The following SIAH3 variants were observed in gnomAD, a reference collection of about 807,000 sequenced individuals.
SIAH3 encodes siah E3 ubiquitin protein ligase family member 3.
SIAH3 carries 9 observed loss-of-function variants against 12.6 expected under a neutral mutation model. The ratio of observed to expected loss-of-function variants is 0.72; its 90% confidence interval spans 0.43 to 1.25. The LOEUF (loss-of-function observed/expected upper bound fraction) is 1.25, where lower values mean the gene tolerates loss of function less well. Among genes scored for constraint, SIAH3 ranks in the 50% most tolerant of loss-of-function variants. The pLI is 0.00. For synonymous variants in SIAH3, 154 were observed against 151.1 expected, an observed-to-expected ratio of 1.02 and a Z score of -0.14; for missense variants, 390 against 365.4, an observed-to-expected ratio of 1.07 and a Z score of -0.55.
rs75304105 is a variant in SIAH3 at position 45,830,127 on chromosome 13, C to A, written c.135+21368G>T. Among the ~76,000 whole-genome samples, 562 of 152,340 alleles carry A rather than the reference C, an allele frequency of 3.7e-3. 30 individuals carry two copies. The East Asian group carries it at 0.095, about 26-fold the overall frequency. On this transcript the variant is annotated intron_variant, in intron 1 of 1. Transcript: ENST00000400405. ...CCAGGTTTGAATTAGAGGGCTCGGA[C>A]TCCTTGGAGTTCTAGAATACGTCCC...
chr13:45,835,878 G>A (rs987860037), intron 1 of SIAH3, among the ~76,000 whole-genome samples: 3 of 152,190 alleles, frequency 2.0e-5, no homozygotes, highest in South Asian at 2.1e-4. Context: ...TTTGGGAGAC[G>A]CCTGATTCTT....
intron 1 of SIAH3, among the ~76,000 whole-genome samples, chr13:45,807,618 G>A (rs935218236): frequency 6.6e-6 from 1 of 152,194 alleles, no homozygotes; most frequent in Non-Finnish European, 1.5e-5. Flanking sequence ...ATAGAAGCAA[G>A]AGAGAACTTA....
chr13:45,850,832 A>T (rs918867737), intron 1 of SIAH3, among the ~76,000 whole-genome samples: 1 of 151,826 alleles, frequency 6.6e-6, no homozygotes, highest in East Asian at 1.9e-4. Context: ...AGCTGGTGTC[A>T]TTATTACACA....
chr13:45,809,351 C>T (rs528393264), intron 1 of SIAH3, among the ~76,000 whole-genome samples: 13 of 152,272 alleles, frequency 8.5e-5, no homozygotes, highest in Admixed American at 8.5e-4. Context: ...GTCCACAAAT[C>T]TGCAGAATCA....
chr13:45,816,560 G>A (rs970934662), intron 1 of SIAH3, among the ~76,000 whole-genome samples: 3 of 152,172 alleles, frequency 2.0e-5, no homozygotes, highest in Admixed American at 6.5e-5. Context: ...TCAACATAGC[G>A]CTCCCAACTT....
intron 1 of SIAH3, among the ~76,000 whole-genome samples, chr13:45,792,528 T>C (rs9534214): frequency 0.34 from 51,647 of 151,764 alleles, 9,464 homozygotes; most frequent in Middle Eastern, 0.42. Context: ...CTGCTAAGTT[T>C]TGTATTTTTA....
chr13:45,784,967 T>C (rs1950523185), intron 1 of SIAH3, among the ~76,000 whole-genome samples: 1 of 152,194 alleles, frequency 6.6e-6, no homozygotes, highest in Non-Finnish European at 1.5e-5. Context: ...ATTACTACAC[T>C]TATAATTAAT....
intron 1 of SIAH3, among the ~76,000 whole-genome samples, chr13:45,845,561 C>T (rs899109162): frequency 4.6e-5 from 7 of 152,166 alleles, no homozygotes; most frequent in African/African-American, 1.7e-4. Flanking sequence ...TATAACTTAT[C>T]CCCATGCTAC....
chr13:45,816,096 G>T (rs1341316441), intron 1 of SIAH3, among the ~76,000 whole-genome samples: 1 of 152,242 alleles, frequency 6.6e-6, no homozygotes, highest in Non-Finnish European at 1.5e-5. Flanking sequence ...GGCAGATGGA[G>T]GCACGATTGG....
At chr13:45,832,115 C>A (rs1018066912) in intron 1 of SIAH3, among the ~76,000 whole-genome samples, 1 of 152,174 alleles carries the variant, frequency 6.6e-6, no homozygotes, top group Non-Finnish European at 1.5e-5. Context: ...TGGGCAAGGG[C>A]CCTGCCATGT....
At chr13:45,845,869 T>G (rs1290153598) in intron 1 of SIAH3, among the ~76,000 whole-genome samples, 5 of 151,722 alleles carry the variant, frequency 3.3e-5, no homozygotes, top group African/African-American at 1.2e-4. Context: ...GTGAAGAAAA[T>G]GTGGCTGTGG....
rs374674301 is a variant in SIAH3, at chr13:45,851,640, G to T, written c.-11C>A. On this transcript the variant is annotated 5_prime_UTR_variant, in exon 1 of 2. Transcript: ENST00000400405. ...GGTAAAGAAAAGCATCACAACTTTT[G>T]GGGGGTTGTTGGTCCGGGAAGGCAG... The T allele has an allele frequency of 7.5e-5, 121 of 1,613,986 alleles. No individual in the cohort carries two copies. The highest frequency in any genetic ancestry group is 1.0e-4 in the Non-Finnish European group (119 of 1,179,978).
chr13:45,813,975 A>G (rs1227900576), intron 1 of SIAH3, among the ~76,000 whole-genome samples: 1 of 152,184 alleles, frequency 6.6e-6, no homozygotes, highest in Non-Finnish European at 1.5e-5. Flanking sequence ...ACAGTGGCTC[A>G]CGCCTGTAAT....
At chr13:45,816,746 C>T (rs912608915) in intron 1 of SIAH3, among the ~76,000 whole-genome samples, 1 of 152,202 alleles carries the variant, frequency 6.6e-6, no homozygotes, top group African/African-American at 2.4e-5. Flanking sequence ...TCCAAGACAG[C>T]CAATCCAGTG....
At chr13:45,827,774 C>T (rs1950684086) in intron 1 of SIAH3, among the ~76,000 whole-genome samples, 1 of 152,206 alleles carries the variant, frequency 6.6e-6, no homozygotes, top group Admixed American at 6.5e-5. Context: ...ACCAAAGCAA[C>T]ATTTCCCTTC....
rs545811414 is a variant in SIAH3 at position 45,820,091 on chromosome 13, A to G, written c.135+31404T>C. 3.3e-5 allele frequency among the ~76,000 whole-genome samples: 5 copies of G among 152,334 alleles called. No homozygotes were observed. In the South Asian group the frequency reaches 1.0e-3, roughly 32 times the overall value. On this transcript the variant is annotated intron_variant, in intron 1 of 1. Coordinates refer to ENST00000400405, the MANE Select transcript of SIAH3 (RefSeq NM_198849.3). ...CTTTATAAGGGCCTTAATCCCATTC[A>G]GGAGGGAGGAATCCGCACGACTTAT...
At position 45,782,035 on chromosome 13, in the gene SIAH3, A is replaced by G. The variant is rs1038622704; in HGVS notation, c.*1348T>C. On this transcript the variant is annotated 3_prime_UTR_variant, in exon 2 of 2. Transcript: ENST00000400405. ...GGGACAAATGCGATAAAAAGGAGCTAGAAGAGGTCCTACTGGGAAGGCTTA... is the reference window on the plus strand; with the variant it reads ...GGGACAAATGCGATAAAAAGGAGCTGGAAGAGGTCCTACTGGGAAGGCTTA... 3.9e-5 allele frequency: 6 copies of G among 152,360 alleles called. No homozygotes were observed. Among genetic ancestry groups the G allele is most frequent in the African/African-American group, 1.4e-4 (6 of 41,546 alleles). The allele number at this position is 152,360 out of a possible 1,614,324, so 9.4% of individuals were successfully genotyped here. A position where few individuals can be genotyped will look rare whatever the true frequency, so the allele number is the denominator to read the frequency against.
chr13:45,783,496 C>A lies in SIAH3; in HGVS notation c.697G>T (p.Asp233Tyr), dbSNP rs369608485. Residue 233 changes from aspartate (D) to tyrosine (Y), a missense_variant, in exon 2 of 2, where the codon GAC (aspartate) becomes TAC (tyrosine). Physicochemically the swap from Asp to Tyr is radical, Grantham distance 160. Transcript: ENST00000400405. ...AGCGAGGTGTTGAGGACGAGGCAGT[C>A]CCCGTCCGTAATCACCGAGTCCACG... Reference protein sequence around the residue: ...ECVDSVITDGDCLVLNTSLAQ... With the variant: ...ECVDSVITDGYCLVLNTSLAQ... 2 of 1,614,146 alleles carry A rather than the reference C, an allele frequency of 1.2e-6. No individual in the cohort carries two copies. Among genetic ancestry groups the A allele is most frequent in the Non-Finnish European group, 1.7e-6 (2 of 1,180,038 alleles).
At chr13:45,825,553 C>G (rs1230625107) in intron 1 of SIAH3, among the ~76,000 whole-genome samples, 1 of 152,270 alleles carries the variant, frequency 6.6e-6, no homozygotes, top group African/African-American at 2.4e-5. Flanking sequence ...TTCACACCTT[C>G]GTGAAGTAGT....
Sources: gnomAD v4.1 joint callset for allele counts (sites outside exome capture counted in the v4.1 genomes callset) on GRCh38, gnomAD v4.1.1 for gene constraint, MANE v1.5 for transcripts, NCBI Gene and HGNC (gene_info 2026-07-23, HGNC 2026-07-21) for gene names.